TTLL4: variants seen among roughly 807,000 people sequenced by gnomAD.
The protein encoded by TTLL4 is tubulin tyrosine ligase like 4.
TTLL4 carries 85 observed loss-of-function variants against 122.7 expected under a neutral mutation model. The ratio of observed to expected loss-of-function variants is 0.69; its 90% CI spans 0.58 to 0.83. The LOEUF (loss-of-function observed/expected upper bound fraction) is 0.83, where lower values mean the gene tolerates loss of function less well. Ranked by LOEUF, TTLL4 falls within the 40% of genes least tolerant of loss-of-function variation. The pLI is 0.00. For missense variants in TTLL4, 1,363 were observed against 1,488.6 expected (o/e 0.92, Z 1.39); for synonymous variants, 553 against 563.0 (o/e 0.98, Z 0.25).
intron 7 of TTLL4, 140 bp downstream of exon 7, chr2:218,745,941 T>A: frequency 1.1e-6 from 1 of 882,930 alleles, no homozygotes; most frequent in Non-Finnish European, 1.8e-6. Flanking sequence ...TAGGAGGGTG[T>A]AGCTCTGAAA....
At chr2:218,719,724 GA>G (rs1420551683) in intron 1 of TTLL4, among the ~76,000 whole-genome samples, 1 of 152,234 alleles carries the variant, frequency 6.6e-6, no homozygotes, top group African/African-American at 2.4e-5. Flanking sequence ...TGAATCTCAG[GA>G]CTTTGCATCT....
Position 218,737,722 on chromosome 2 carries a change from A to T in TTLL4, c.46A>T (p.Lys16Ter). ...TQHYSIGLRQ[K>*]NSFKQSGPSG... ...GCACTATAGTATTGGCCTCCGCCAG[A>T]AAAACAGCTTCAAGCAGAGTGGTCC... Residue 16 changes from lysine to a stop codon, truncating the protein, a stop_gained, in exon 3 of 20, where the codon AAA (lysine) becomes TAA (stop). Coordinates refer to ENST00000392102, the MANE Select transcript of TTLL4 (RefSeq NM_014640.5). LOFTEE classifies it high-confidence loss of function. The T allele has an allele frequency of 6.2e-7, 1 of 1,613,546 alleles. No individual in the cohort carries two copies. Among genetic ancestry groups the T allele is most frequent in the South Asian group, 1.1e-5 (1 of 90,994 alleles).
chr2:218,748,934 C>G lies in TTLL4; in HGVS notation c.2600C>G (p.Ser867Trp), dbSNP rs1942937402. 6.2e-7 allele frequency: 1 copy of G among 1,613,882 alleles called. No individual in the cohort carries two copies. Among genetic ancestry groups the G allele is most frequent in the Non-Finnish European group, 8.5e-7 (1 of 1,179,946 alleles). The change falls in exon 13 of 20, where the codon TCG (serine) becomes TGG (tryptophan). Residue 867 changes from serine (S) to tryptophan (W), a missense_variant and splice_region_variant. Coordinates refer to ENST00000392102, the MANE Select transcript of TTLL4 (RefSeq NM_014640.5). ...GATGTTGTTGTCAAAACTATCATCTCGTGAGTCACATTGCCAACCTGGATG... is the reference window on the plus strand; with the variant it reads ...GATGTTGTTGTCAAAACTATCATCTGGTGAGTCACATTGCCAACCTGGATG... ...IKDVVVKTII[S>W]SEPYVTSLLK...
At chr2:218,739,963 A>C in intron 3 of TTLL4, 95 bp from the exon 4 acceptor site, 1 of 1,142,198 alleles carries the variant, frequency 8.8e-7, no homozygotes, top group South Asian at 1.4e-5. Flanking sequence ...GTAATGGAGA[A>C]GGGGCAAATA....
intron 1 of TTLL4, among the ~76,000 whole-genome samples, chr2:218,711,473 C>A (rs571140601): frequency 2.0e-5 from 3 of 152,218 alleles, no homozygotes; most frequent in East Asian, 1.9e-4. Flanking sequence ...TAGAAGAATA[C>A]GTTCCTAAAC....
rs548953159 is a variant in TTLL4, at chr2:218,724,900, C to T, written c.-177-2369C>T. Among the ~76,000 whole-genome samples the T allele has an allele frequency of 4.3e-4, 65 of 151,814 alleles. 1 individual carries two copies. Among genetic ancestry groups the T allele is most frequent in the African/African-American group, 1.5e-3 (62 of 41,356 alleles). ...AAACAGCTTATACTTATTTTATTTT[C>T]GTATTTTATTTTTTATTGAGACAGG... On this transcript the variant is annotated intron_variant, in intron 1 of 19. Coordinates refer to ENST00000392102, the MANE Select transcript of TTLL4 (RefSeq NM_014640.5).
intron 2 of TTLL4, among the ~76,000 whole-genome samples, chr2:218,735,932 G>C (rs933202085): frequency 2.1e-5 from 3 of 143,538 alleles, no homozygotes; most frequent in Non-Finnish European, 4.5e-5. Context: ...GCCTCCCAAA[G>C]TGCTGGGATT....
intron 1 of TTLL4, among the ~76,000 whole-genome samples, 184 bp downstream of exon 1, chr2:218,711,221 C>T (rs1293246108): frequency 6.6e-6 from 1 of 152,234 alleles, no homozygotes; most frequent in Non-Finnish European, 1.5e-5. Flanking sequence ...GCCTCCTACC[C>T]GGCCGGGACT....
At chr2:218,713,944 G>A (rs576931442) in intron 1 of TTLL4, among the ~76,000 whole-genome samples, 50 of 152,302 alleles carry the variant, frequency 3.3e-4, no homozygotes, top group African/African-American at 1.1e-3. Flanking sequence ...AGTGTAGAAT[G>A]ATTGTAAGTT....
chr2:218,745,941 T>C, intron 7 of TTLL4, 140 bp downstream of exon 7: 1 of 882,930 alleles, frequency 1.1e-6, no homozygotes, highest in Non-Finnish European at 1.8e-6. Context: ...TAGGAGGGTG[T>C]AGCTCTGAAA....
At chr2:218,752,151 G>T (rs1317261805) in intron 16 of TTLL4, among the ~76,000 whole-genome samples, 3 of 151,982 alleles carry the variant, frequency 2.0e-5, no homozygotes, top group African/African-American at 7.2e-5. Context: ...CAAGTGATCC[G>T]CCTGCCTCGG....
At chr2:218,733,811 G>T (rs1260173218) in intron 2 of TTLL4, among the ~76,000 whole-genome samples, 1 of 152,200 alleles carries the variant, frequency 6.6e-6, no homozygotes, top group Non-Finnish European at 1.5e-5. Flanking sequence ...GTGTTCATGT[G>T]CTTGGCACTG....
intron 2 of TTLL4, among the ~76,000 whole-genome samples, chr2:218,732,089 G>A (rs899301215): frequency 6.6e-6 from 1 of 152,196 alleles, no homozygotes; most frequent in African/African-American, 2.4e-5. Context: ...GCAAGCTGCT[G>A]ATTGGAGGGT....
Position 218,753,142 on chromosome 2 carries a change from A to G in TTLL4, c.3215A>G (p.Tyr1072Cys). The G allele has an allele frequency of 6.2e-7, 1 of 1,614,070 alleles. No homozygotes were observed. Among genetic ancestry groups the G allele is most frequent in the Non-Finnish European group, 8.5e-7 (1 of 1,179,990 alleles). ...GTAGATCTGCTCCGGAGTTGGTGCT[A>G]CAAAGGGTTCCACATGGGAGTTGTC... is the stretch of plus-strand genomic sequence containing the variant. ...KGVDLLRSWC[Y>C]KGFHMGVVSD... The change falls in exon 18 of 20, where the codon TAC (tyrosine) becomes TGC (cysteine). Residue 1072 changes from tyrosine (Y) to cysteine (C), a missense_variant. Coordinates refer to ENST00000392102, the MANE Select transcript of TTLL4 (RefSeq NM_014640.5).
At chr2:218,751,890 T>TTTC (rs1943026126) in intron 16 of TTLL4, 84 bp downstream of exon 16, 2 of 847,788 alleles carry the variant, frequency 2.4e-6, no homozygotes, top group Non-Finnish European at 1.7e-6. Context: ...AGCTTTTCTT[T>TTTC]TTTTTTTTCT....
At chr2:218,753,883 C>G (rs1189200979) in intron 19 of TTLL4, among the ~76,000 whole-genome samples, 1 of 152,180 alleles carries the variant, frequency 6.6e-6, no homozygotes, top group East Asian at 1.9e-4. Context: ...CCTGAAGCAG[C>G]CACTGTCAGC....
rs773612118 is a variant in TTLL4, at chr2:218,751,700, G to A, written c.2874-4G>A. On this transcript the variant is annotated splice_region_variant and splice_polypyrimidine_tract_variant and intron_variant, in intron 15 of 19. Transcript: ENST00000392102. Reference sequence around the variant, plus strand: ...CTTTGCTTTCTTTCTGGCCTCTGCCGTAGCCTGCCCACCTCCCCTGGGGAC... The same window carrying A: ...CTTTGCTTTCTTTCTGGCCTCTGCCATAGCCTGCCCACCTCCCCTGGGGAC... The A allele has an allele frequency of 7.4e-6, 12 of 1,611,266 alleles. No homozygotes were observed. Among genetic ancestry groups the A allele is most frequent in the African/African-American group, 5.3e-5 (4 of 74,774 alleles).
chr2:218,746,153 A>G lies in TTLL4; in HGVS notation c.1898-2A>G. On this transcript the variant is annotated splice_acceptor_variant, in intron 7 of 19. Coordinates refer to ENST00000392102, the MANE Select transcript of TTLL4 (RefSeq NM_014640.5). LOFTEE classifies it high-confidence loss of function. ...GGCTGATTCCTGATGTACCTCCCATAGGAAACGATGACTGGCTGGGCTGCT... is the reference window on the plus strand; with the variant it reads ...GGCTGATTCCTGATGTACCTCCCATGGGAAACGATGACTGGCTGGGCTGCT... 6.2e-7 allele frequency: 1 copy of G among 1,614,152 alleles called. No homozygotes were observed. The highest frequency in any genetic ancestry group is 8.5e-7 in the Non-Finnish European group (1 of 1,180,030).
rs774940910 is a variant in TTLL4, at chr2:218,740,561, C to A, written c.1638C>A (p.Ser546Arg). Residue 546 changes from serine (S) to arginine (R), a missense_variant, in exon 5 of 20, where the codon AGC becomes AGA. Transcript: ENST00000392102. ...CCTCATTAAGTGCTGTCTCCCCCAGCGAATCGGTGGCCATGATCTCTAGGT... is the reference window on the plus strand; with the variant it reads ...CCTCATTAAGTGCTGTCTCCCCCAGAGAATCGGTGGCCATGATCTCTAGGT... ...ECSSLSAVSP[S>R]ESVAMISRSC... 3 of 1,614,026 alleles carry A rather than the reference C, an allele frequency of 1.9e-6. No homozygotes were observed. In the South Asian group the frequency reaches 3.3e-5, roughly 18 times the overall value.
Sources: allele counts gnomAD v4.1 joint callset (sites outside exome capture counted in the v4.1 genomes callset), GRCh38; gene constraint gnomAD v4.1.1; transcripts MANE v1.5; gene names NCBI Gene and HGNC (gene_info 2026-07-23, HGNC 2026-07-21).